Variants in TAF4 observed in about 807,000 individuals in gnomAD.
The protein encoded by TAF4 is transcription initiation factor TFIID subunit 4.
A neutral mutation model predicts 90.3 loss-of-function variants in TAF4; 9 were observed. The ratio of observed to expected loss-of-function variants is 0.10; its 90% CI spans 0.06 to 0.17. The LOEUF (loss-of-function observed/expected upper bound fraction) is 0.17. Among genes scored for constraint, TAF4 ranks in the 10% least tolerant of loss-of-function variants. The probability of loss-of-function intolerance (pLI) is 1.00; values close to 1 mark genes in which losing one functional copy is unlikely to be tolerated. For synonymous variants in TAF4, 818 were observed against 638.9 expected, an observed-to-expected ratio of 1.28 and a Z score of -4.23; for missense variants, 1,351 against 1,370.7, an observed-to-expected ratio of 0.99 and a Z score of 0.23.
intron 5 of TAF4, chr20:62,007,931 A>C (rs1336988848): frequency 3.8e-6 from 1 of 262,856 alleles, no homozygotes; most frequent in African/African-American, 2.3e-5. Context: ...CTCAGTGCTT[A>C]CCAGGCACCT....
intron 1 of TAF4, among the ~76,000 whole-genome samples, chr20:62,043,150 A>C (rs551585539): frequency 1.3e-5 from 2 of 152,224 alleles, no homozygotes; most frequent in African/African-American, 4.8e-5. Flanking sequence ...GGTGAAACCT[A>C]CAAAAAAATA....
rs763722375 is a variant in TAF4, at chr20:62,064,204, C to CA, written c.1360+246dup. 7.4e-6 allele frequency: 3 copies of CA among 403,930 alleles called. No individual in the cohort carries two copies. The South Asian group carries it at 3.1e-4, about 42-fold the overall frequency. 25.0% of individuals were successfully genotyped at this position (403,930 alleles called of 1,614,324 possible). A position where few individuals can be genotyped will look rare whatever the true frequency, so the allele number is the denominator to read the frequency against. The stretch of plus-strand genomic sequence containing the variant: ...CACTCCGAAACAGACCAGCCCCAGG[C>CA]ACAGGCAGCCAGCGCGGACGTCAGG... On this transcript the variant is annotated intron_variant, in intron 1 of 14. Transcript: ENST00000252996.
At chr20:62,063,814 ACT>A (rs890747697) in intron 1 of TAF4, among the ~76,000 whole-genome samples, 21 of 152,188 alleles carry the variant, frequency 1.4e-4, no homozygotes, top group African/African-American at 4.8e-4. Context: ...CGCCGGGAGG[ACT>A]CTCGCAGGAT....
Position 62,065,602 on chromosome 20 carries a change from G to A in TAF4, c.209C>T (p.Ala70Val). 9 of 992,632 alleles carry A rather than the reference G, an allele frequency of 9.1e-6. No individual in the cohort carries two copies. The highest frequency in any genetic ancestry group is 1.1e-5 in the Non-Finnish European group (9 of 836,794). The allele number at this position is 992,632 out of a possible 1,614,324, so 61.5% of individuals were successfully genotyped here. The change falls in exon 1 of 15, where the codon GCC (alanine) becomes GTC (valine). Residue 70 changes from alanine (A) to valine (V), a missense_variant. Transcript: ENST00000252996. ...GGGGGCGGCCGGCCCTGCGCCCGCG[G>A]CTCCGGCCGGGCTGCCGCTCACAAC... ...NHVVSGSPAGAAGAGPAAPAE... is the reference protein window; with the variant it reads ...NHVVSGSPAGVAGAGPAAPAE...
At chr20:62,034,251 A>G (rs2055920114) in intron 1 of TAF4, among the ~76,000 whole-genome samples, 1 of 152,232 alleles carries the variant, frequency 6.6e-6, no homozygotes, top group African/African-American at 2.4e-5. Flanking sequence ...AGAGTTGAAG[A>G]GTGCTAGAGT....
rs149158754 is a variant in TAF4 at position 62,051,421 on chromosome 20, G to T, written c.1360+13030C>A. On this transcript the variant is annotated intron_variant, in intron 1 of 14. Transcript: ENST00000252996. Reference sequence around the variant, plus strand: ...CTCACACGATACTCCTGTCAGGCAGGGAGCCACCCAGCAATGCTCCCTCCC... The same window carrying T: ...CTCACACGATACTCCTGTCAGGCAGTGAGCCACCCAGCAATGCTCCCTCCC... Among the ~76,000 whole-genome samples the T allele has an allele frequency of 1.1e-4, 17 of 152,264 alleles. No homozygotes were observed. The East Asian group carries it at 3.1e-3, about 28-fold the overall frequency.
intron 1 of TAF4, among the ~76,000 whole-genome samples, chr20:62,049,998 G>T (rs2056017352): frequency 6.6e-6 from 1 of 152,146 alleles, no homozygotes; most frequent in Non-Finnish European, 1.5e-5. Flanking sequence ...TGTCCCCAAG[G>T]CAGGGAGTCA....
At chr20:62,017,744 G>GA (rs1209530015) in intron 1 of TAF4, among the ~76,000 whole-genome samples, 18 of 152,158 alleles carry the variant, frequency 1.2e-4, no homozygotes, top group African/African-American at 4.3e-4. Context: ...AGCTGAAGCA[G>GA]AATCGCTTGA....
intron 14 of TAF4, among the ~76,000 whole-genome samples, chr20:61,984,785 G>T (rs1034828207): frequency 1.3e-5 from 2 of 150,350 alleles, no homozygotes; most frequent in African/African-American, 4.9e-5. Flanking sequence ...GTGCTGCACT[G>T]CCAGGGAAGG....
At chr20:62,018,248 C>T (rs928269316) in intron 1 of TAF4, among the ~76,000 whole-genome samples, 1 of 152,236 alleles carries the variant, frequency 6.6e-6, no homozygotes, top group Non-Finnish European at 1.5e-5. Context: ...TGTATCACAG[C>T]CTGACTGTAC....
chr20:62,028,777 C>G (rs1483265010), intron 1 of TAF4, among the ~76,000 whole-genome samples: 1 of 152,202 alleles, frequency 6.6e-6, no homozygotes, highest in African/African-American at 2.4e-5. Context: ...ACAGTGAGCT[C>G]ACATTCAGGA....
intron 1 of TAF4, among the ~76,000 whole-genome samples, chr20:62,045,048 A>T (rs1202715898): frequency 6.6e-6 from 1 of 152,256 alleles, no homozygotes; most frequent in Non-Finnish European, 1.5e-5. Flanking sequence ...AATCCTGGAC[A>T]GATTAGTGAC....
chr20:62,063,395 C>A (rs1302954555), intron 1 of TAF4, among the ~76,000 whole-genome samples: 1 of 152,146 alleles, frequency 6.6e-6, no homozygotes, highest in Non-Finnish European at 1.5e-5. Context: ...GCACGGCACG[C>A]GTCACCACAG....
chr20:62,022,247 G>A (rs551944697), intron 1 of TAF4, among the ~76,000 whole-genome samples: 1 of 152,286 alleles, frequency 6.6e-6, no homozygotes, highest in East Asian at 1.9e-4. Context: ...GCTGCCCTGG[G>A]CCTCACTCTT....
intron 5 of TAF4, among the ~76,000 whole-genome samples, chr20:62,008,403 G>A (rs28382076): frequency 0.12 from 18,219 of 152,134 alleles, 1,441 homozygotes; most frequent in East Asian, 0.44. Flanking sequence ...GCTGAGGAAG[G>A]TGGACAGCCG....
chr20:62,062,954 A>G (rs921306384), intron 1 of TAF4, among the ~76,000 whole-genome samples: 1 of 152,226 alleles, frequency 6.6e-6, no homozygotes, highest in Non-Finnish European at 1.5e-5. Flanking sequence ...GACAGTTTAC[A>G]TAATAGATCA....
chr20:62,054,985 C>T (rs2056052318), intron 1 of TAF4, among the ~76,000 whole-genome samples: 1 of 152,180 alleles, frequency 6.6e-6, no homozygotes, highest in Admixed American at 6.5e-5. Context: ...CCTCCCTAAG[C>T]CCCACCATCT....
rs1239232039 is a variant in TAF4 at position 62,064,305 on chromosome 20, C to A, written c.1360+146G>T. ...ACAGCCACCCGGGCTGGCCCCGCAC[C>A]TGGGTAGAGACTGCCCCTCGGCCTG... On this transcript the variant is annotated intron_variant, in intron 1 of 14. Transcript: ENST00000252996. 7 of 989,800 alleles carry A rather than the reference C, an allele frequency of 7.1e-6. No individual in the cohort carries two copies. The Admixed American group carries it at 1.3e-4, about 18-fold the overall frequency. 61.3% of individuals were successfully genotyped at this position (989,800 alleles called of 1,614,324 possible).
intron 3 of TAF4, among the ~76,000 whole-genome samples, chr20:62,011,264 C>A (rs980846766): frequency 6.6e-6 from 1 of 152,106 alleles, no homozygotes; most frequent in African/African-American, 2.4e-5. Context: ...AAGGACACAC[C>A]AAGCTGCTGC....
Sources: allele counts gnomAD v4.1 joint callset (sites outside exome capture counted in the v4.1 genomes callset), GRCh38; gene constraint gnomAD v4.1.1; transcripts MANE v1.5; gene names NCBI Gene and HGNC (gene_info 2026-07-23, HGNC 2026-07-21).